The following FHIT variants were observed in gnomAD, a reference collection of about 807,000 sequenced individuals.
FHIT encodes the protein fragile histidine triad diadenosine triphosphatase.
FHIT carries 19 observed loss-of-function variants against 17.9 expected under a neutral mutation model. The observed-to-expected ratio is 1.06, with a 90% CI of 0.74 to 1.56. The LOEUF is 1.56. Ranked by LOEUF, FHIT falls within the 40% of genes most tolerant of loss-of-function variation. The pLI is 0.00. For missense variants in FHIT, 248 were observed against 189.2 expected, an observed-to-expected ratio of 1.31 and a Z score of -1.82; for synonymous variants, 81 against 69.7, an observed-to-expected ratio of 1.16 and a Z score of -0.81.
intron 5 of FHIT, among the ~76,000 whole-genome samples, chr3:60,527,201 T>G (rs1207646147): frequency 6.6e-6 from 1 of 152,120 alleles, no homozygotes; most frequent in Non-Finnish European, 1.5e-5. Context: ...GCTTCTAGAG[T>G]CATTTGGTCC....
intron 3 of FHIT, among the ~76,000 whole-genome samples, chr3:60,971,564 G>T (rs187743610): frequency 1.1e-4 from 17 of 151,908 alleles, no homozygotes; most frequent in Admixed American, 2.6e-4. Flanking sequence ...TTGGAGAAAG[G>T]GGCTTGTTGG....
intron 2 of FHIT, among the ~76,000 whole-genome samples, chr3:61,189,898 T>C (rs2038658441): frequency 1.3e-5 from 2 of 152,190 alleles, no homozygotes; most frequent in African/African-American, 4.8e-5. Flanking sequence ...AAGCTGAAAC[T>C]GGATCCCTTC....
At chr3:60,891,974 G>C (rs1705536226) in intron 3 of FHIT, among the ~76,000 whole-genome samples, 2 of 152,176 alleles carry the variant, frequency 1.3e-5, no homozygotes, top group African/African-American at 4.8e-5. Flanking sequence ...TTCATGAAAT[G>C]CGAGGTTTCT....
chr3:60,645,040 G>T (rs1553686388), intron 4 of FHIT, among the ~76,000 whole-genome samples: 1 of 152,044 alleles, frequency 6.6e-6, no homozygotes, highest in African/African-American at 2.4e-5. Context: ...TTCTCAAACA[G>T]CTCACTAGAT....
chr3:60,416,652 C>A (rs1473765645), intron 5 of FHIT, among the ~76,000 whole-genome samples: 1 of 152,114 alleles, frequency 6.6e-6, no homozygotes, highest in Non-Finnish European at 1.5e-5. Context: ...AAAAACATTT[C>A]TTAGCTTGCA....
intron 3 of FHIT, among the ~76,000 whole-genome samples, chr3:60,860,482 C>CATATGTATCATATATATCAGGTATA (rs1703679811): frequency 8.0e-6 from 1 of 124,806 alleles, no homozygotes; most frequent in African/African-American, 3.1e-5. Flanking sequence ...ATATATGATA[C>CATATGTATCATATATATCAGGTATA]ATATGTATCA....
chr3:60,158,766 G>A (rs961704627), intron 5 of FHIT, among the ~76,000 whole-genome samples: 1 of 152,126 alleles, frequency 6.6e-6, no homozygotes, highest in Non-Finnish European at 1.5e-5. Context: ...AGAGATGTGA[G>A]ATATCCAATC....
chr3:59,794,123 C>T (rs183742322), intron 8 of FHIT, among the ~76,000 whole-genome samples: 143 of 152,248 alleles, frequency 9.4e-4, no homozygotes, highest in Admixed American at 1.4e-3. Context: ...ATTGCTCCAG[C>T]GGATAAACAT....
At chr3:60,793,807 G>A (rs1203990457) in intron 4 of FHIT, among the ~76,000 whole-genome samples, 2 of 152,146 alleles carry the variant, frequency 1.3e-5, no homozygotes, top group African/African-American at 4.8e-5. Context: ...CATCCTGGGG[G>A]TTCCTAAACT....
At chr3:59,754,740 A>G (rs1701114175) in intron 8 of FHIT, among the ~76,000 whole-genome samples, 1 of 152,222 alleles carries the variant, frequency 6.6e-6, no homozygotes, top group Non-Finnish European at 1.5e-5. Context: ...CATTGTGCCA[A>G]TCCTTAGAAG....
intron 4 of FHIT, among the ~76,000 whole-genome samples, chr3:60,654,195 C>A (rs1252820390): frequency 6.6e-6 from 1 of 152,190 alleles, no homozygotes; most frequent in Non-Finnish European, 1.5e-5. Flanking sequence ...GTAAAGCCTG[C>A]AGAACCATGA....
chr3:59,754,508 TATAAC>T (rs1051477933), intron 8 of FHIT, among the ~76,000 whole-genome samples: 52 of 151,676 alleles, frequency 3.4e-4, no homozygotes, highest in African/African-American at 1.2e-3. Flanking sequence ...CATCTTATCT[TATAAC>T]AATTCAATAG....
chr3:61,155,416 C>G (rs563542336), intron 2 of FHIT, among the ~76,000 whole-genome samples: 1 of 152,154 alleles, frequency 6.6e-6, no homozygotes, highest in Non-Finnish European at 1.5e-5. Flanking sequence ...TAAACAAACT[C>G]TAGCCCTCTC....
At chr3:59,907,240 C>A (rs1349143995) in intron 8 of FHIT, among the ~76,000 whole-genome samples, 1 of 152,184 alleles carries the variant, frequency 6.6e-6, no homozygotes, top group Non-Finnish European at 1.5e-5. Flanking sequence ...ACCACCATCC[C>A]ATGTTACTTA....
intron 8 of FHIT, among the ~76,000 whole-genome samples, chr3:59,899,058 C>T (rs586011): frequency 0.99 from 150,709 of 152,262 alleles, 74,606 homozygotes; most frequent in Middle Eastern, 1. Flanking sequence ...CATTACAAGG[C>T]GACATCCCTC....
At chr3:60,699,015 A>G in intron 4 of FHIT, among the ~76,000 whole-genome samples, 1 of 152,342 alleles carries the variant, frequency 6.6e-6, no homozygotes, top group Admixed American at 6.5e-5. Flanking sequence ...CAACTGTTTT[A>G]TGAACATCTT....
At chr3:60,118,640 C>T (rs1204381020) in intron 5 of FHIT, among the ~76,000 whole-genome samples, 6 of 151,976 alleles carry the variant, frequency 3.9e-5, no homozygotes, top group East Asian at 1.9e-4. Context: ...AAATAAGAAA[C>T]GAATGCTAAT....
chr3:60,883,165 A>G (rs988344964), intron 3 of FHIT, among the ~76,000 whole-genome samples: 1 of 152,136 alleles, frequency 6.6e-6, no homozygotes, highest in Non-Finnish European at 1.5e-5. Flanking sequence ...TAACCAAGGA[A>G]GCAAAAGATC....
At position 60,779,744 on chromosome 3, in the gene FHIT, C is replaced by T. The variant is rs534991109; in HGVS notation, c.-18+42175G>A. On this transcript the variant is annotated intron_variant, in intron 4 of 9. Coordinates refer to ENST00000492590, the MANE Select transcript of FHIT (RefSeq NM_002012.4). ...ACATCAAAGCCTTAGGAAGGAAAAT[C>T]GGATCTTAGGGATCCAGAGGCAAAT... Among the ~76,000 whole-genome samples the T allele has an allele frequency of 3.9e-5, 6 of 152,090 alleles. No individual in the cohort carries two copies. In the East Asian group the frequency reaches 7.7e-4, roughly 20 times the overall value.
Sources: allele counts gnomAD v4.1 joint callset (sites outside exome capture counted in the v4.1 genomes callset), GRCh38; gene constraint gnomAD v4.1.1; transcripts MANE v1.5; gene names NCBI Gene and HGNC (gene_info 2026-07-23, HGNC 2026-07-21).